Variants in GPR89B observed in about 807,000 individuals in gnomAD.
GPR89B encodes the protein golgi pH regulator B, also known as G protein-coupled receptor 89B.
In GPR89B, 25 loss-of-function variants were observed where a neutral mutation model predicts 52.4. That is an observed-to-expected ratio of 0.48 (90% CI 0.35 to 0.67). The LOEUF (loss-of-function observed/expected upper bound fraction) is 0.67, where lower values mean the gene tolerates loss of function less well. GPR89B is among the 30% of genes least tolerant of loss of function. GPR89B has a pLI of 0.01. For synonymous variants in GPR89B, 52 were observed against 151.2 expected (o/e 0.34, Z 4.81); for missense variants, 146 against 450.2 (o/e 0.32, Z 6.11).
chr1:147,959,111 G>C (rs1656347529), intron 7 of GPR89B, among the ~76,000 whole-genome samples: 1 of 152,122 alleles, frequency 6.6e-6, no homozygotes, highest in Non-Finnish European at 1.5e-5. Context: ...AACAGTAGAG[G>C]GCCATAGTGA....
At chr1:147,973,025 G>A (rs1657585433) in intron 10 of GPR89B, among the ~76,000 whole-genome samples, 1 of 151,294 alleles carries the variant, frequency 6.6e-6, no homozygotes, top group South Asian at 2.1e-4. Context: ...ATTCCATGGT[G>A]TATATGTACC....
At chr1:147,986,129 G>A in intron 10 of GPR89B, 70 bp from the exon 11 acceptor site, 2 of 1,610,168 alleles carry the variant, frequency 1.2e-6, no homozygotes, top group Non-Finnish European at 1.7e-6. Flanking sequence ...TAATTCATTA[G>A]TTTCAGTCAC....
intron 2 of GPR89B, 61 bp from the exon 3 acceptor site, chr1:147,938,653 G>A (rs1407970167): frequency 6.2e-7 from 1 of 1,607,250 alleles, no homozygotes; most frequent in Non-Finnish European, 8.5e-7. Flanking sequence ...ACCAGAAGGA[G>A]GTTATCAGTT....
chr1:147,972,804 C>T lies in GPR89B; in HGVS notation c.909+2845C>T, dbSNP rs1657566964. Among the ~76,000 whole-genome samples the T allele has an allele frequency of 4.2e-4, 62 of 148,750 alleles. No homozygotes were observed. The South Asian group carries it at 0.013, about 31-fold the overall frequency. On this transcript the variant is annotated intron_variant, in intron 10 of 13. Coordinates refer to ENST00000314163, the MANE Select transcript of GPR89B (RefSeq NM_016334.5). ...ATCCATTAGCTATTTCCCTGATGCTCTCCCTCCCCCTCCCCGCCTTCGACA... is the reference window on the plus strand; with the variant it reads ...ATCCATTAGCTATTTCCCTGATGCTTTCCCTCCCCCTCCCCGCCTTCGACA...
the GPR89B span, among the ~76,000 whole-genome samples, chr1:148,006,718 C>CTT: frequency 4.1e-4 from 58 of 142,870 alleles, no homozygotes; most frequent in East Asian, 5.3e-3. Context: ...ACTTTACAGC[C>CTT]TTTTTTTTTT....
At chr1:147,935,874 A>G (rs1571221259) in intron 1 of GPR89B, among the ~76,000 whole-genome samples, 2 of 152,206 alleles carry the variant, frequency 1.3e-5, no homozygotes, top group East Asian at 3.9e-4. Context: ...GGCTGGGACT[A>G]CAGGCACACC....
chr1:147,951,674 C>G (rs1212511676), intron 5 of GPR89B, among the ~76,000 whole-genome samples: 2 of 151,968 alleles, frequency 1.3e-5, no homozygotes, highest in Non-Finnish European at 2.9e-5. Context: ...TGAATACAAT[C>G]AAAAGTATGG....
At chr1:148,009,388 C>G in the GPR89B span, 387 of 1,612,038 alleles carry the variant, frequency 2.4e-4, 2 homozygotes, top group Middle Eastern at 2.3e-3. Context: ...CCCTCCTTCA[C>G]GAGATAGCAG....
intron 11 of GPR89B, among the ~76,000 whole-genome samples, chr1:147,986,581 C>T (rs1263835901): frequency 6.6e-6 from 1 of 152,156 alleles, no homozygotes; most frequent in Non-Finnish European, 1.5e-5. Context: ...TCCTCTGCTT[C>T]TCTATAGGCA....
chr1:147,958,033 C>T (rs1465854152), intron 7 of GPR89B, among the ~76,000 whole-genome samples: 1 of 151,108 alleles, frequency 6.6e-6, no homozygotes, highest in Non-Finnish European at 1.5e-5. Context: ...CACTGCACTC[C>T]AGCCTGGGTG....
rs1656784456 is a variant in GPR89B, at chr1:147,963,445, A to G, written c.618-3109A>G. On this transcript the variant is annotated intron_variant, in intron 7 of 13. Transcript: ENST00000314163. ...CTACCCACTGGGAGAAAATATTTGC[A>G]AGCCACTTATTTGAGAAAGCACTAG... Among the ~76,000 whole-genome samples, 6 of 152,136 alleles carry G rather than the reference A, an allele frequency of 3.9e-5. No homozygotes were observed. The South Asian group carries it at 1.2e-3, about 31-fold the overall frequency.
intron 7 of GPR89B, among the ~76,000 whole-genome samples, chr1:147,955,234 A>G (rs1656031147): frequency 6.6e-6 from 1 of 151,980 alleles, no homozygotes; most frequent in Non-Finnish European, 1.5e-5. Flanking sequence ...AAATGAAAGA[A>G]TTTCCTTCCT....
At chr1:147,949,101 A>C (rs1176116393) in intron 5 of GPR89B, among the ~76,000 whole-genome samples, 2 of 152,182 alleles carry the variant, frequency 1.3e-5, no homozygotes, top group African/African-American at 2.4e-5. Flanking sequence ...CAACAGGATC[A>C]CAAGGCAGAA....
the GPR89B span, among the ~76,000 whole-genome samples, chr1:148,013,245 G>T: frequency 1.3e-5 from 2 of 152,046 alleles, no homozygotes. Flanking sequence ...AGAGGAGTCC[G>T]CCAGGTGGGA....
chr1:148,013,211 A>G, the GPR89B span, among the ~76,000 whole-genome samples: 1 of 152,112 alleles, frequency 6.6e-6, no homozygotes. Context: ...CCAGGATAGA[A>G]GAGCCACAGT....
chr1:148,004,921 A>G, the GPR89B span, among the ~76,000 whole-genome samples: 1 of 124,020 alleles, frequency 8.1e-6, no homozygotes, highest in Admixed American at 8.0e-5. Context: ...ACACACACAC[A>G]CACATAAAAA....
rs1658653344 is a variant in GPR89B, at chr1:147,986,190, T to A, written c.910-9T>A. 1.9e-6 allele frequency: 3 copies of A among 1,610,688 alleles called. No homozygotes were observed. The highest frequency in any genetic ancestry group is 1.7e-6 in the Non-Finnish European group (2 of 1,179,282). ...AGATGCTCCAAGGTAAAAATCTGCATCTTTGCAGGCTACCATCAATATTGT... is the reference window on the plus strand; with the variant it reads ...AGATGCTCCAAGGTAAAAATCTGCAACTTTGCAGGCTACCATCAATATTGT... On this transcript the variant is annotated splice_polypyrimidine_tract_variant and intron_variant, in intron 10 of 13. Transcript: ENST00000314163.
At chr1:147,947,104 G>A (rs1655038313) in intron 5 of GPR89B, among the ~76,000 whole-genome samples, 4 of 152,030 alleles carry the variant, frequency 2.6e-5, no homozygotes, top group Non-Finnish European at 4.4e-5. Flanking sequence ...GGAGGCCAAG[G>A]CAGGGATATC....
the GPR89B span, among the ~76,000 whole-genome samples, chr1:148,019,835 GAGA>G: frequency 6.6e-6 from 1 of 151,970 alleles, no homozygotes; most frequent in African/African-American, 2.4e-5. Flanking sequence ...GCCAGGTGAA[GAGA>G]AGAATTCTGG....
Sources: allele counts gnomAD v4.1 joint callset (sites outside exome capture counted in the v4.1 genomes callset), GRCh38; gene constraint gnomAD v4.1.1; transcripts MANE v1.5; gene names NCBI Gene and HGNC (gene_info 2026-07-23, HGNC 2026-07-21).